The following EHMT1 variants were observed in gnomAD, a reference collection of about 807,000 sequenced individuals.
EHMT1 encodes histone-lysine N-methyltransferase EHMT1.
A neutral mutation model predicts 147.2 loss-of-function variants in EHMT1; 15 were observed. The observed-to-expected ratio is 0.10, with a 90% CI of 0.07 to 0.16. The LOEUF is 0.16. Ranked by LOEUF, EHMT1 falls within the 10% of genes least tolerant of loss-of-function variation. The pLI is 1.00. For synonymous variants in EHMT1, 795 were observed against 709.6 expected (o/e 1.12, Z -1.91); for missense variants, 1,587 against 1,772.4 (o/e 0.90, Z 1.88).
chr9:137,693,644 C>A (rs12353082), intron 1 of EHMT1, among the ~76,000 whole-genome samples: 1,926 of 80,244 alleles, frequency 0.024, 13 homozygotes, highest in African/African-American at 0.096. Context: ...CCGATACCCC[C>A]CACACAGTGG....
intron 13 of EHMT1, 124 bp downstream of exon 13, chr9:137,778,179 A>G (rs976614381): frequency 4.7e-5 from 59 of 1,266,810 alleles, no homozygotes; most frequent in Non-Finnish European, 6.5e-5. Context: ...CGTTAGAATA[A>G]TTCGTATATT....
rs1441049389 is a variant in EHMT1, at chr9:137,814,166, A to AC, written c.3181-261dup. On this transcript the variant is annotated intron_variant, in intron 21 of 26. Transcript: ENST00000460843. ...GCAGCCGCCGCCCAGCCCTTCACCCACCCCACGTCACCCACTGCCGCGTCG... is the reference window on the plus strand; with the variant it reads ...GCAGCCGCCGCCCAGCCCTTCACCCACCCCCACGTCACCCACTGCCGCGTCG... 1.7e-5 allele frequency: 9 copies of AC among 527,954 alleles called. No homozygotes were observed. The Admixed American group carries it at 2.8e-4, about 16-fold the overall frequency. The allele number at this position is 527,954 out of a possible 1,614,324, so 32.7% of individuals were successfully genotyped here. A position where few individuals can be genotyped will look rare whatever the true frequency, so the allele number is the denominator to read the frequency against.
rs531848503 is a variant in EHMT1, at chr9:137,775,023, T to G, written c.1648-86T>G. The G allele has an allele frequency of 3.1e-4, 495 of 1,589,270 alleles. 1 individual carries two copies. In the African/African-American group the frequency reaches 5.9e-3, roughly 19 times the overall value. ...GCCCACACCTGCTGAGCAGCTCTTG[T>G]GTGCCTGCACTGCCCAGCGCCTGGT... On this transcript the variant is annotated intron_variant, in intron 10 of 26. Transcript: ENST00000460843. This position sits in a 1 kb window ranked among gnomAD's most constrained non-coding sequence, Gnocchi z 6.1.
At chr9:137,790,757 T>C (rs1952463427) in intron 15 of EHMT1, 91 bp from the exon 16 acceptor site, 1 of 1,595,246 alleles carries the variant, frequency 6.3e-7, no homozygotes, top group African/African-American at 1.3e-5. Context: ...GCAGCTCTCT[T>C]TTTTTGAGTG....
intron 10 of EHMT1, among the ~76,000 whole-genome samples, chr9:137,765,537 A>G (rs1158607199): frequency 6.6e-6 from 1 of 152,236 alleles, no homozygotes; most frequent in African/African-American, 2.4e-5. Context: ...AATGAAACGT[A>G]GATCCCGAAG....
chr9:137,721,979 AT>A (rs398069071), intron 3 of EHMT1, among the ~76,000 whole-genome samples: 18,340 of 141,022 alleles, frequency 0.13, 1,349 homozygotes, highest in Middle Eastern at 0.24. Context: ...AATTTCTCTA[AT>A]TTTTTTTTTT....
At chr9:137,728,320 TA>T (rs745639265) in intron 3 of EHMT1, 28 bp from the exon 4 acceptor site, 71 of 1,614,024 alleles carry the variant, frequency 4.4e-5, no homozygotes, top group Non-Finnish European at 5.8e-5. Context: ...CTTATGCAGT[TA>T]TAGTTATTCA....
chr9:137,823,763 G>A (rs1955624236), intron 25 of EHMT1, among the ~76,000 whole-genome samples: 1 of 151,488 alleles, frequency 6.6e-6, no homozygotes. Context: ...TCGCCATGTT[G>A]GCCAGGCTGG....
intron 6 of EHMT1, among the ~76,000 whole-genome samples, chr9:137,749,135 GGCC>G (rs1948778266): frequency 6.6e-6 from 1 of 151,874 alleles, no homozygotes; most frequent in Admixed American, 6.6e-5. Context: ...GGAAGCTCCT[GGCC>G]TGCTCCTGAC....
rs1287103630 is a variant in EHMT1, at chr9:137,682,759, T to C, written c.22-28208T>C. Among the ~76,000 whole-genome samples, 3 of 152,222 alleles carry C rather than the reference T, an allele frequency of 2.0e-5. No individual in the cohort carries two copies. In the East Asian group the frequency reaches 5.8e-4, roughly 29 times the overall value. On this transcript the variant is annotated intron_variant, in intron 1 of 26. Coordinates refer to ENST00000460843, the MANE Select transcript of EHMT1 (RefSeq NM_024757.5). ...CCCCCTGAGGATGACGGCTGCTCTG[T>C]TAGTCTCAGTGCTGCACTGAGACCC...
chr9:137,755,722 A>T (rs1038778026), intron 8 of EHMT1, among the ~76,000 whole-genome samples: 4 of 152,234 alleles, frequency 2.6e-5, no homozygotes, highest in Non-Finnish European at 4.4e-5. Context: ...TGTCCACGCC[A>T]GCACTTGTTA....
chr9:137,801,020 T>C, intron 18 of EHMT1, 36 bp downstream of exon 18: 2 of 1,589,578 alleles, frequency 1.3e-6, no homozygotes, highest in Non-Finnish European at 8.6e-7. Context: ...AGCCGTGTCC[T>C]GGAGGGGTGG....
At chr9:137,670,386 C>A (rs1437637957) in intron 1 of EHMT1, among the ~76,000 whole-genome samples, 1 of 152,170 alleles carries the variant, frequency 6.6e-6, no homozygotes, top group Non-Finnish European at 1.5e-5. Context: ...AGTCCCCTCT[C>A]CTGCCCTGAC....
chr9:137,700,192 C>G (rs1000613491), intron 1 of EHMT1, among the ~76,000 whole-genome samples: 6 of 152,130 alleles, frequency 3.9e-5, no homozygotes, highest in African/African-American at 1.4e-4. Flanking sequence ...TTTCTCCTAT[C>G]CCTCTATCCC....
chr9:137,706,116 A>G (rs929864302), intron 1 of EHMT1, among the ~76,000 whole-genome samples: 2 of 152,126 alleles, frequency 1.3e-5, no homozygotes, highest in Admixed American at 1.3e-4. Context: ...CAGTCAAGGC[A>G]CACGGGGCCA....
intron 18 of EHMT1, 111 bp downstream of exon 18, chr9:137,801,095 A>G: frequency 1.1e-6 from 1 of 930,404 alleles, no homozygotes; most frequent in Non-Finnish European, 1.7e-6. Flanking sequence ...GGCGGCTTTG[A>G]CCTCTTCCTG....
At chr9:137,744,238 G>A in intron 6 of EHMT1, 148 bp downstream of exon 6, 1 of 802,750 alleles carries the variant, frequency 1.2e-6, no homozygotes, top group Non-Finnish European at 2.0e-6. Flanking sequence ...TATTTTTCTT[G>A]ATTTATTAGA....
intron 6 of EHMT1, chr9:137,745,924 C>A: frequency 5.3e-6 from 1 of 187,270 alleles, no homozygotes; most frequent in Non-Finnish European, 1.1e-5. Flanking sequence ...TGAGTCATGC[C>A]TGGGGCTGAG....
At chr9:137,762,611 C>T in intron 9 of EHMT1, 64 bp from the exon 10 acceptor site, 1 of 1,611,894 alleles carries the variant, frequency 6.2e-7, no homozygotes, top group Non-Finnish European at 8.5e-7. Context: ...TATAATCGAT[C>T]ACTTTCTAGA....
Sources: allele counts gnomAD v4.1 joint callset (sites outside exome capture counted in the v4.1 genomes callset), GRCh38; gene constraint gnomAD v4.1.1; non-coding constraint Gnocchi (gnomAD v3.1); transcripts MANE v1.5; gene names NCBI Gene and HGNC (gene_info 2026-07-23, HGNC 2026-07-21).